The following MACROD2 variants were observed in gnomAD, a reference collection of about 807,000 sequenced individuals.
MACROD2 encodes mono-ADP ribosylhydrolase 2.
Under a neutral mutation model 70.4 loss-of-function variants are expected in MACROD2, and 36 were observed. That is an observed-to-expected ratio of 0.51 (90% CI 0.39 to 0.68). The LOEUF (loss-of-function observed/expected upper bound fraction) is 0.68, where lower values mean the gene tolerates loss of function less well. Among genes scored for constraint, MACROD2 ranks in the 30% least tolerant of loss-of-function variants. The probability of loss-of-function intolerance (pLI) is 0.00; values close to 1 mark genes in which losing one functional copy is unlikely to be tolerated. For missense variants in MACROD2, 496 were observed against 538.4 expected, an observed-to-expected ratio of 0.92 and a Z score of 0.78; for synonymous variants, 172 against 178.8, an observed-to-expected ratio of 0.96 and a Z score of 0.30.
At chr20:15,428,333 T>C (rs2046324644) in intron 6 of MACROD2, among the ~76,000 whole-genome samples, 1 of 152,162 alleles carries the variant, frequency 6.6e-6, no homozygotes, top group Admixed American at 6.5e-5. Context: ...GGCTTTCCCT[T>C]TGAAAGAGTT....
At chr20:16,019,826 C>T (rs138612016) in intron 15 of MACROD2, among the ~76,000 whole-genome samples, 33 of 152,298 alleles carry the variant, frequency 2.2e-4, no homozygotes, top group African/African-American at 7.2e-4. Context: ...CTGCCCAAGG[C>T]CCGGCAGAGG....
chr20:15,798,427 G>C (rs1036483937), intron 8 of MACROD2, among the ~76,000 whole-genome samples: 6 of 152,232 alleles, frequency 3.9e-5, no homozygotes, highest in Admixed American at 2.6e-4. Context: ...GATTCTCACA[G>C]CATGGTGTCT....
At chr20:14,476,457 G>A (rs1389983917) in intron 3 of MACROD2, among the ~76,000 whole-genome samples, 3 of 152,154 alleles carry the variant, frequency 2.0e-5, no homozygotes, top group East Asian at 1.9e-4. Context: ...CCAGGCTCAA[G>A]CGATTCTCAT....
chr20:14,068,938 C>CT (rs201147324), intron 2 of MACROD2, among the ~76,000 whole-genome samples: 186 of 151,874 alleles, frequency 1.2e-3, no homozygotes, highest in Non-Finnish European at 1.9e-3. Flanking sequence ...TTTTAAATGG[C>CT]TTTTTTTTGT....
chr20:15,512,084 C>A (rs1470202510), intron 8 of MACROD2, among the ~76,000 whole-genome samples: 1 of 152,216 alleles, frequency 6.6e-6, no homozygotes, highest in Non-Finnish European at 1.5e-5. Flanking sequence ...GTAAATCTCT[C>A]CTCTCAACCA....
At chr20:15,938,515 A>G (rs1221439695) in intron 12 of MACROD2, among the ~76,000 whole-genome samples, 1 of 152,106 alleles carries the variant, frequency 6.6e-6, no homozygotes, top group Non-Finnish European at 1.5e-5. Context: ...GGTGCTATGT[A>G]CTGTGCCCAT....
chr20:15,125,463 TATTC>T, intron 5 of MACROD2, among the ~76,000 whole-genome samples: 1 of 152,252 alleles, frequency 6.6e-6, no homozygotes, highest in Middle Eastern at 3.4e-3. Context: ...CTCATTCATT[TATTC>T]ATTCATTCAA....
At chr20:15,286,856 A>G (rs1046726367) in intron 6 of MACROD2, among the ~76,000 whole-genome samples, 1 of 152,128 alleles carries the variant, frequency 6.6e-6, no homozygotes, top group African/African-American at 2.4e-5. Context: ...TTTTCTTGGT[A>G]AATTTGTAGA....
At chr20:14,903,210 T>C (rs994612934) in intron 5 of MACROD2, among the ~76,000 whole-genome samples, 1 of 151,942 alleles carries the variant, frequency 6.6e-6, no homozygotes, top group Admixed American at 6.6e-5. Flanking sequence ...CCCAGCTAAA[T>C]TTGTATTCTT....
chr20:15,778,015 A>G (rs2051762677), intron 8 of MACROD2, among the ~76,000 whole-genome samples: 1 of 152,146 alleles, frequency 6.6e-6, no homozygotes. Flanking sequence ...GTATTTGGCC[A>G]ATATGTATTG....
chr20:15,341,855 A>G (rs1420025587), intron 6 of MACROD2, among the ~76,000 whole-genome samples: 1 of 152,238 alleles, frequency 6.6e-6, no homozygotes. Context: ...GTTCAAGACC[A>G]GCCTAGACAA....
At chr20:15,983,073 T>C (rs1390905781) in intron 13 of MACROD2, among the ~76,000 whole-genome samples, 1 of 152,242 alleles carries the variant, frequency 6.6e-6, no homozygotes, top group Non-Finnish European at 1.5e-5. Flanking sequence ...ACATGAGTTT[T>C]TCTTTTTAAC....
rs138657308 is a variant in MACROD2, at chr20:14,889,982, C to A, written c.418+205023C>A. ...TTGCCTCAGTCAAGATGGCAGCTTG[C>A]AGTAGAAGTGATAAAAGGAGTACAG... On this transcript the variant is annotated intron_variant, in intron 5 of 17. Coordinates refer to ENST00000684519, the MANE Select transcript of MACROD2 (RefSeq NM_001351661.2). Among the ~76,000 whole-genome samples the A allele has an allele frequency of 2.6e-3, 403 of 152,094 alleles. 3 individuals are homozygous for A. Among genetic ancestry groups the A allele is most frequent in the Non-Finnish European group, 4.2e-3 (287 of 68,006 alleles).
At chr20:14,745,984 C>A (rs181215707) in intron 5 of MACROD2, among the ~76,000 whole-genome samples, 48 of 152,250 alleles carry the variant, frequency 3.2e-4, no homozygotes, top group Non-Finnish European at 1.5e-5. Flanking sequence ...AGTTTGAAGA[C>A]AACTTGGCCA....
intron 2 of MACROD2, among the ~76,000 whole-genome samples, chr20:14,010,431 C>T (rs550112423): frequency 2.0e-5 from 3 of 152,136 alleles, no homozygotes; most frequent in East Asian, 1.9e-4. Context: ...GGCAGGCATG[C>T]GTGATGCAGC....
At chr20:14,782,010 G>GCC (rs1271122306) in intron 5 of MACROD2, among the ~76,000 whole-genome samples, 1 of 151,626 alleles carries the variant, frequency 6.6e-6, no homozygotes, top group Non-Finnish European at 1.5e-5. Context: ...TGCAACCTCC[G>GCC]CCTCCCGGGT....
rs461414 is a variant in MACROD2, at chr20:15,624,967, T to C, written c.645+125120T>C. On this transcript the variant is annotated intron_variant, in intron 8 of 17. Coordinates refer to ENST00000684519, the MANE Select transcript of MACROD2 (RefSeq NM_001351661.2). Reference sequence around the variant, plus strand: ...TATCTTGTTATTATTTCTAGAAGTCTTTTTGGTATGGTTCTTTCCATATCT... The same window carrying C: ...TATCTTGTTATTATTTCTAGAAGTCCTTTTGGTATGGTTCTTTCCATATCT... Among the ~76,000 whole-genome samples, 1,465 of 152,312 alleles carry C rather than the reference T, an allele frequency of 9.6e-3. 15 individuals carry two copies. Among genetic ancestry groups the C allele is most frequent in the Middle Eastern group, 0.024 (7 of 292 alleles).
chr20:15,220,926 A>G (rs574310304), intron 5 of MACROD2, among the ~76,000 whole-genome samples: 9 of 152,290 alleles, frequency 5.9e-5, no homozygotes, highest in African/African-American at 1.9e-4. Flanking sequence ...GACTGAGTGG[A>G]TGATTGCAGA....
chr20:16,050,072 T>G lies in MACROD2; in HGVS notation c.*196T>G, dbSNP rs55872232. On this transcript the variant is annotated 3_prime_UTR_variant, in exon 18 of 18. Coordinates refer to ENST00000684519, the MANE Select transcript of MACROD2 (RefSeq NM_001351661.2). ...GAAAGAAAAAAAAGAAAAAAAAAGT[T>G]TCCTTTAATTTGGTGGAGGGACCCA... 0.01 allele frequency: 5,124 copies of G among 510,998 alleles called. 243 individuals carry two copies. The highest frequency in any genetic ancestry group is 0.092 in the African/African-American group (4,705 of 51,138). The allele number at this position is 510,998 out of a possible 1,614,324, so 31.7% of individuals were successfully genotyped here.
Sources: gnomAD v4.1 joint callset for allele counts (sites outside exome capture counted in the v4.1 genomes callset) on GRCh38, gnomAD v4.1.1 for gene constraint, MANE v1.5 for transcripts, NCBI Gene and HGNC (gene_info 2026-07-23, HGNC 2026-07-21) for gene names.